CDK8: variants seen among roughly 807,000 people sequenced by gnomAD.
CDK8 encodes cyclin dependent kinase 8, also known as cyclin-dependent kinase 8.
Under a neutral mutation model 71.5 loss-of-function variants are expected in CDK8, and 29 were observed. The ratio of observed to expected loss-of-function variants is 0.41; its 90% confidence interval spans 0.30 to 0.55. CDK8 has a LOEUF of 0.55. CDK8 is among the 20% of genes least tolerant of loss of function. The pLI is 0.37. For missense variants in CDK8, 288 were observed against 572.6 expected, an observed-to-expected ratio of 0.50 and a Z score of 5.07; for synonymous variants, 161 against 192.1, an observed-to-expected ratio of 0.84 and a Z score of 1.34.
intron 6 of CDK8, among the ~76,000 whole-genome samples, chr13:26,386,288 C>A (rs956378731): frequency 6.6e-6 from 1 of 152,224 alleles, no homozygotes; most frequent in Admixed American, 6.5e-5. Flanking sequence ...AGGCCTTTCA[C>A]CATCGCTTGT....
chr13:26,313,565 T>A (rs1565968415), intron 1 of CDK8, among the ~76,000 whole-genome samples: 1 of 152,184 alleles, frequency 6.6e-6, no homozygotes, highest in Non-Finnish European at 1.5e-5. Context: ...AAATCCATTC[T>A]CCTTTACACA....
At chr13:26,292,140 A>T (rs1873331211) in intron 1 of CDK8, among the ~76,000 whole-genome samples, 1 of 152,230 alleles carries the variant, frequency 6.6e-6, no homozygotes, top group Non-Finnish European at 1.5e-5. Flanking sequence ...ATTTAAATTT[A>T]AAAAGTCAAC....
At chr13:26,369,019 ATCT>A (rs1047512422) in intron 4 of CDK8, among the ~76,000 whole-genome samples, 1 of 152,016 alleles carries the variant, frequency 6.6e-6, no homozygotes, top group African/African-American at 2.4e-5. Context: ...TTGGTCAGTA[ATCT>A]TCTGTTCGTA....
At chr13:26,257,567 T>C (rs1440641245) in intron 1 of CDK8, among the ~76,000 whole-genome samples, 2 of 152,202 alleles carry the variant, frequency 1.3e-5, no homozygotes, top group Admixed American at 1.3e-4. Flanking sequence ...CCTTTGTGTC[T>C]GAACACTTAA....
chr13:26,355,881 A>C (rs1406886695), intron 4 of CDK8, among the ~76,000 whole-genome samples: 2 of 152,122 alleles, frequency 1.3e-5, no homozygotes, highest in Non-Finnish European at 2.9e-5. Flanking sequence ...CTTGAAATAC[A>C]TATGTATATT....
At chr13:26,292,035 T>C (rs1201669526) in intron 1 of CDK8, among the ~76,000 whole-genome samples, 2 of 152,214 alleles carry the variant, frequency 1.3e-5, no homozygotes, top group Admixed American at 6.5e-5. Context: ...ATTTCACACA[T>C]CAGATTCATA....
chr13:26,355,152 T>C (rs1472820408), intron 4 of CDK8, among the ~76,000 whole-genome samples: 4 of 152,228 alleles, frequency 2.6e-5, no homozygotes, highest in Non-Finnish European at 5.9e-5. Flanking sequence ...ACTTCTTTCT[T>C]CTAGCTTTAG....
At chr13:26,378,793 G>T (rs1361169189) in intron 4 of CDK8, among the ~76,000 whole-genome samples, 4 of 152,108 alleles carry the variant, frequency 2.6e-5, no homozygotes, top group Admixed American at 6.5e-5. Flanking sequence ...GTAAAGTTTT[G>T]GTGCTAGAGC....
intron 7 of CDK8, among the ~76,000 whole-genome samples, chr13:26,395,217 G>T (rs185425613): frequency 6.6e-6 from 1 of 152,206 alleles, no homozygotes; most frequent in African/African-American, 2.4e-5. Flanking sequence ...TTGCGAGGCC[G>T]CGGTGGGCGG....
chr13:26,350,033 A>G (rs2137993400), intron 3 of CDK8, among the ~76,000 whole-genome samples: 1 of 152,334 alleles, frequency 6.6e-6, no homozygotes, highest in South Asian at 2.1e-4. Flanking sequence ...TAACATGTAC[A>G]GGTTTGTAGC....
chr13:26,394,361 C>G (rs1875889076), intron 7 of CDK8, among the ~76,000 whole-genome samples: 1 of 152,170 alleles, frequency 6.6e-6, no homozygotes. Flanking sequence ...TACACAGATA[C>G]TGCCTTTCTC....
chr13:26,345,306 T>C (rs893712150), intron 2 of CDK8, among the ~76,000 whole-genome samples: 2 of 152,208 alleles, frequency 1.3e-5, no homozygotes, highest in African/African-American at 4.8e-5. Context: ...AATGAAGTCT[T>C]TACTCTCAGA....
intron 1 of CDK8, among the ~76,000 whole-genome samples, chr13:26,288,039 T>G (rs1199738889): frequency 2.6e-5 from 4 of 151,796 alleles, no homozygotes; most frequent in Non-Finnish European, 5.9e-5. Context: ...CTCGGCTCAC[T>G]GCAACCTCTC....
chr13:26,289,796 C>T (rs1385219005), intron 1 of CDK8, among the ~76,000 whole-genome samples: 1 of 150,992 alleles, frequency 6.6e-6, no homozygotes, highest in African/African-American at 2.4e-5. Context: ...ATGATCTGCC[C>T]GCCTCAGCCT....
At chr13:26,395,610 T>C (rs1465738752) in intron 7 of CDK8, among the ~76,000 whole-genome samples, 1 of 152,208 alleles carries the variant, frequency 6.6e-6, no homozygotes, top group Non-Finnish European at 1.5e-5. Context: ...TAGCATGTAT[T>C]GTTTGAGCAA....
At chr13:26,387,104 C>A (rs1164666688) in intron 6 of CDK8, among the ~76,000 whole-genome samples, 1 of 152,048 alleles carries the variant, frequency 6.6e-6, no homozygotes, top group East Asian at 1.9e-4. Context: ...TTGTCATATC[C>A]ATTTCTAAAA....
intron 6 of CDK8, among the ~76,000 whole-genome samples, chr13:26,389,671 TTATAA>T (rs1449060773): frequency 1.3e-5 from 2 of 152,028 alleles, no homozygotes; most frequent in African/African-American, 4.8e-5. Flanking sequence ...GATTCAAAAT[TTATAA>T]TATACACAAA....
chr13:26,282,918 C>CTTA (rs889848501), intron 1 of CDK8, among the ~76,000 whole-genome samples: 39 of 152,132 alleles, frequency 2.6e-4, no homozygotes, highest in African/African-American at 9.2e-4. Context: ...AATAGCTATT[C>CTTA]TTATATCAGA....
intron 1 of CDK8, among the ~76,000 whole-genome samples, chr13:26,263,378 G>A (rs1435293751): frequency 6.6e-6 from 1 of 152,044 alleles, no homozygotes; most frequent in East Asian, 1.9e-4. Flanking sequence ...CTCGTGATCC[G>A]CCTGCCTCAG....
Sources: allele counts gnomAD v4.1 joint callset (sites outside exome capture counted in the v4.1 genomes callset), GRCh38; gene constraint gnomAD v4.1.1; transcripts MANE v1.5; gene names NCBI Gene and HGNC (gene_info 2026-07-23, HGNC 2026-07-21).